Variants in GNA14 observed in about 807,000 individuals in gnomAD.
GNA14 encodes the protein guanine nucleotide-binding protein subunit alpha-14.
Under a neutral mutation model 42.0 loss-of-function variants are expected in GNA14, and 50 were observed. That is an observed-to-expected ratio of 1.19 (90% CI 0.95 to 1.51). The LOEUF is 1.51. Ranked by LOEUF, GNA14 falls within the 40% of genes most tolerant of loss-of-function variation. The pLI is 0.00. For missense variants in GNA14, 473 were observed against 446.2 expected (o/e 1.06, Z -0.54); for synonymous variants, 173 against 163.1 (o/e 1.06, Z -0.46).
At chr9:77,459,239 G>C (rs71487625) in intron 2 of GNA14, among the ~76,000 whole-genome samples, 1 of 74,304 alleles carries the variant, frequency 1.3e-5, no homozygotes, top group African/African-American at 1.0e-4. Context: ...CAGTCTCAGG[G>C]AAAAAAAAGA....
chr9:77,452,650 T>TTG (rs969516666), intron 2 of GNA14, among the ~76,000 whole-genome samples: 1 of 906 alleles, frequency 1.1e-3, no homozygotes, highest in Non-Finnish European at 1.9e-3. Context: ...GTGTTTGTGT[T>TTG]TGTGTGTGTG....
chr9:77,622,740 G>A (rs2066290), intron 1 of GNA14, among the ~76,000 whole-genome samples: 139,072 of 141,770 alleles, frequency 0.98, 68,215 homozygotes, highest in East Asian at 1. Flanking sequence ...ACAAAAAAAA[G>A]AAAAATAGCC....
At chr9:77,439,829 T>A (rs1278852092) in intron 2 of GNA14, among the ~76,000 whole-genome samples, 1 of 152,074 alleles carries the variant, frequency 6.6e-6, no homozygotes, top group Non-Finnish European at 1.5e-5. Context: ...TTGCTTCATC[T>A]CAGGGAAAGA....
intron 1 of GNA14, among the ~76,000 whole-genome samples, chr9:77,552,851 C>G (rs1296330069): frequency 6.6e-6 from 1 of 152,194 alleles, no homozygotes; most frequent in African/African-American, 2.4e-5. Flanking sequence ...CTATCAGATT[C>G]TAACTTATTT....
intron 1 of GNA14, among the ~76,000 whole-genome samples, chr9:77,630,294 T>C (rs1824077813): frequency 6.6e-6 from 1 of 152,052 alleles, no homozygotes; most frequent in South Asian, 2.1e-4. Context: ...ATTTTTACAC[T>C]TTTTGTAGAG....
chr9:77,533,240 G>T (rs1022315801), intron 1 of GNA14, among the ~76,000 whole-genome samples: 1 of 152,164 alleles, frequency 6.6e-6, no homozygotes, highest in Non-Finnish European at 1.5e-5. Flanking sequence ...GCAGTGACAT[G>T]ATCTCAGCTC....
rs367927775 is a variant in GNA14 at position 77,601,173 on chromosome 9, TTTG to T, written c.124+46494_124+46496del. Among the ~76,000 whole-genome samples the T allele has an allele frequency of 1.0e-3, 155 of 152,258 alleles. No individual in the cohort carries two copies. The East Asian group carries it at 0.026, about 25-fold the overall frequency. Reference sequence around the variant, plus strand: ...CCCTCTTGCTTTGCTGAGACGTTTTTTTGTTGTTGTTTTTGTTTTTTTGTTTTC... The same window carrying T: ...CCCTCTTGCTTTGCTGAGACGTTTTTTTGTTGTTTTTGTTTTTTTGTTTTC... On this transcript the variant is annotated intron_variant, in intron 1 of 6. Transcript: ENST00000341700.
At chr9:77,517,766 A>G (rs546675116) in intron 2 of GNA14, among the ~76,000 whole-genome samples, 2 of 150,970 alleles carry the variant, frequency 1.3e-5, no homozygotes, top group South Asian at 4.2e-4. Flanking sequence ...CACCACACTC[A>G]GATAATTTTT....
intron 1 of GNA14, among the ~76,000 whole-genome samples, chr9:77,554,069 G>A (rs1363454712): frequency 6.6e-6 from 1 of 152,142 alleles, no homozygotes; most frequent in African/African-American, 2.4e-5. Context: ...AGGGGTACCT[G>A]TGCTCAAATT....
chr9:77,596,293 A>G (rs1823466504), intron 1 of GNA14, among the ~76,000 whole-genome samples: 1 of 152,140 alleles, frequency 6.6e-6, no homozygotes, highest in Non-Finnish European at 1.5e-5. Context: ...ATGTTCATTG[A>G]GCTGATTATA....
intron 2 of GNA14, among the ~76,000 whole-genome samples, chr9:77,491,461 G>A (rs1438088196): frequency 6.6e-6 from 1 of 152,100 alleles, no homozygotes; most frequent in African/African-American, 2.4e-5. Flanking sequence ...GTAAAGGAAT[G>A]GGTAAAGAAA....
chr9:77,588,270 C>A lies in GNA14; in HGVS notation c.125-59017G>T, dbSNP rs545284176. On this transcript the variant is annotated intron_variant, in intron 1 of 6. Coordinates refer to ENST00000341700, the MANE Select transcript of GNA14 (RefSeq NM_004297.4). ...TCACTCCATCCACCACACCCTGACA[C>A]CCCTTCAGTGAACTCCTTTTCTTCC... 1.1e-4 allele frequency among the ~76,000 whole-genome samples: 17 copies of A among 152,328 alleles called. No individual in the cohort carries two copies. The South Asian group carries it at 3.5e-3, about 32-fold the overall frequency.
At chr9:77,427,586 C>T (rs1835472205) in intron 5 of GNA14, among the ~76,000 whole-genome samples, 1 of 124,582 alleles carries the variant, frequency 8.0e-6, no homozygotes, top group Non-Finnish European at 1.8e-5. Flanking sequence ...GGTCTTAATG[C>T]AAGTTCAGGG....
intron 2 of GNA14, among the ~76,000 whole-genome samples, chr9:77,489,936 T>C (rs7862020): frequency 0.19 from 28,424 of 152,030 alleles, 2,928 homozygotes; most frequent in East Asian, 0.35. Context: ...CCTGTTTTTA[T>C]TCTTATCTGG....
At chr9:77,444,792 T>C (rs1302839790) in intron 2 of GNA14, among the ~76,000 whole-genome samples, 1 of 152,112 alleles carries the variant, frequency 6.6e-6, no homozygotes, top group Non-Finnish European at 1.5e-5. Context: ...ACAGACAAAA[T>C]CCCTGATCAC....
Position 77,440,576 on chromosome 9 carries a change from T to C in GNA14, c.310-6054A>G, listed in dbSNP as rs146266892. 4.6e-3 allele frequency among the ~76,000 whole-genome samples: 704 copies of C among 152,360 alleles called. 3 individuals carry two copies. Among genetic ancestry groups the C allele is most frequent in the Non-Finnish European group, 5.4e-3 (368 of 68,034 alleles). On this transcript the variant is annotated intron_variant, in intron 2 of 6. Coordinates refer to ENST00000341700, the MANE Select transcript of GNA14 (RefSeq NM_004297.4). ...TTTAATTGACAAAATTGTATATATT[T>C]ATGGCTTACAATTTGGTGTTTTGAT...
At chr9:77,631,004 T>A (rs896600044) in intron 1 of GNA14, among the ~76,000 whole-genome samples, 1 of 152,212 alleles carries the variant, frequency 6.6e-6, no homozygotes, top group Admixed American at 6.5e-5. Context: ...GATATATTGT[T>A]GAGTATCAAG....
chr9:77,489,746 C>T (rs1324347518), intron 2 of GNA14, among the ~76,000 whole-genome samples: 2 of 152,010 alleles, frequency 1.3e-5, no homozygotes, highest in Non-Finnish European at 2.9e-5. Context: ...TTCATTTCTC[C>T]CGGTGGGCTC....
intron 1 of GNA14, among the ~76,000 whole-genome samples, chr9:77,596,184 T>C (rs1259622308): frequency 6.6e-6 from 1 of 152,052 alleles, no homozygotes; most frequent in African/African-American, 2.4e-5. Context: ...TCATCATTTA[T>C]AGAGGTCAAT....
Sources: allele counts gnomAD v4.1 joint callset (sites outside exome capture counted in the v4.1 genomes callset), GRCh38; gene constraint gnomAD v4.1.1; transcripts MANE v1.5; gene names NCBI Gene and HGNC (gene_info 2026-07-23, HGNC 2026-07-21).